The following ANKRD31 variants were observed in gnomAD, a reference collection of about 807,000 sequenced individuals.
The protein encoded by ANKRD31 is ankyrin repeat domain-containing protein 31.
In ANKRD31, 147 loss-of-function variants were observed where a neutral mutation model predicts 186.0. That is an observed-to-expected ratio of 0.79 (90% confidence interval 0.69 to 0.91). The LOEUF is 0.91. Ranked by LOEUF, ANKRD31 falls within the 40% of genes least tolerant of loss-of-function variation. The pLI, the probability that ANKRD31 is intolerant of heterozygous loss-of-function variation, is 0.00. For synonymous variants in ANKRD31, 673 were observed against 736.4 expected (o/e 0.91, Z 1.39); for missense variants, 1,986 against 2,148.8 (o/e 0.92, Z 1.50).
At chr5:75,101,749 G>A (rs543930590) in intron 22 of ANKRD31, among the ~76,000 whole-genome samples, 3 of 152,260 alleles carry the variant, frequency 2.0e-5, no homozygotes, top group African/African-American at 7.2e-5. Flanking sequence ...GCGTCACGTA[G>A]TTCTCGTGCC....
chr5:75,158,500 C>T (rs942603805), intron 11 of ANKRD31, among the ~76,000 whole-genome samples: 5 of 152,066 alleles, frequency 3.3e-5, no homozygotes, highest in Admixed American at 6.6e-5. Flanking sequence ...CAGTTTTGGC[C>T]GGATGTAGTG....
intron 25 of ANKRD31, among the ~76,000 whole-genome samples, chr5:75,072,204 G>T (rs570051428): frequency 2.6e-5 from 4 of 152,214 alleles, no homozygotes; most frequent in African/African-American, 7.2e-5. Flanking sequence ...ACAATCATAG[G>T]CAATGTGTCA....
At chr5:75,104,110 G>T (rs1747133006) in intron 22 of ANKRD31, 118 bp downstream of exon 22, 7 of 818,272 alleles carry the variant, frequency 8.6e-6, no homozygotes, top group Non-Finnish European at 1.3e-5. Context: ...CTCCATTCAG[G>T]AAGCTCAGCA....
intron 22 of ANKRD31, among the ~76,000 whole-genome samples, chr5:75,095,085 A>G (rs1746212396): frequency 6.6e-6 from 1 of 152,220 alleles, no homozygotes; most frequent in Non-Finnish European, 1.5e-5. Context: ...CAACAGTAAA[A>G]TACTTCAATA....
intron 23 of ANKRD31, among the ~76,000 whole-genome samples, chr5:75,088,244 G>C (rs942355934): frequency 6.6e-6 from 1 of 152,124 alleles, no homozygotes; most frequent in African/African-American, 2.4e-5. Context: ...GTATGTGTGG[G>C]GGGTGAGGGG....
intron 11 of ANKRD31, among the ~76,000 whole-genome samples, chr5:75,168,145 T>A (rs1753054131): frequency 6.6e-6 from 1 of 152,194 alleles, no homozygotes; most frequent in Non-Finnish European, 1.5e-5. Context: ...TCTGAAGTAC[T>A]GTTTCATACT....
intron 10 of ANKRD31, among the ~76,000 whole-genome samples, chr5:75,175,953 G>C (rs1753763005): frequency 6.6e-6 from 1 of 152,132 alleles, no homozygotes; most frequent in African/African-American, 2.4e-5. Context: ...CACCCGGGAA[G>C]CGCAAGGGGT....
intron 2 of ANKRD31, chr5:75,225,810 C>T (rs1342795884): frequency 1.3e-5 from 2 of 158,348 alleles, no homozygotes; most frequent in Admixed American, 6.5e-5. Context: ...CTTTGTCTTA[C>T]ACCTTAGGTG....
intron 11 of ANKRD31, among the ~76,000 whole-genome samples, chr5:75,164,522 T>G (rs962609286): frequency 6.6e-6 from 1 of 152,184 alleles, no homozygotes; most frequent in African/African-American, 2.4e-5. Flanking sequence ...GCGTCAGAAT[T>G]CCAAGTATTG....
intron 9 of ANKRD31, among the ~76,000 whole-genome samples, chr5:75,189,093 A>G (rs373970455): frequency 6.6e-6 from 1 of 152,210 alleles, no homozygotes; most frequent in Non-Finnish European, 1.5e-5. Context: ...GGCATATAAG[A>G]TACAAAAACT....
At chr5:75,206,216 CAAAAAAAAAAAAAA>C (rs1191388849) in intron 5 of ANKRD31, among the ~76,000 whole-genome samples, 181 bp downstream of exon 5, 231 of 14,804 alleles carry the variant, frequency 0.016, 2 homozygotes, top group African/African-American at 0.03. Flanking sequence ...ACATCTCTAC[CAAAAAAAAAAAAAA>C]AAAAAAAAAA....
In ANKRD31 at chr5:75,235,556, G is replaced by A. The variant is rs113484925; in HGVS notation, c.104+1027C>T. Among the ~76,000 whole-genome samples, 479 of 152,116 alleles carry A rather than the reference G, an allele frequency of 3.1e-3. 2 individuals are homozygous for A. The highest frequency in any genetic ancestry group is 0.01 in the African/African-American group (427 of 41,500). ...CAGACAGTAAACCTATTTTTATCCAGAAGACCAAGGAAAATGACCCCTGCA... is the reference window on the plus strand; with the variant it reads ...CAGACAGTAAACCTATTTTTATCCAAAAGACCAAGGAAAATGACCCCTGCA... On this transcript the variant is annotated intron_variant, in intron 1 of 25. Transcript: ENST00000506364.
rs554935874 is a variant in ANKRD31, at chr5:75,111,986, C to A, written c.4243+527G>T. On this transcript the variant is annotated intron_variant, in intron 20 of 25. Transcript: ENST00000506364. ...GACAACACACAGGGTAACATAATCT[C>A]ATCTCTTGTCACAATCTTACATTTT... 7.2e-5 allele frequency among the ~76,000 whole-genome samples: 11 copies of A among 152,188 alleles called. 1 individual carries two copies. The South Asian group carries it at 2.3e-3, about 32-fold the overall frequency.
At chr5:75,213,687 TAG>T (rs1561542183) in intron 3 of ANKRD31, among the ~76,000 whole-genome samples, 2 of 152,198 alleles carry the variant, frequency 1.3e-5, no homozygotes, top group Non-Finnish European at 2.9e-5. Context: ...CATTAAACCG[TAG>T]AGTTTTCTTG....
chr5:75,196,831 T>A (rs1348458077), intron 6 of ANKRD31, among the ~76,000 whole-genome samples: 1 of 152,228 alleles, frequency 6.6e-6, no homozygotes, highest in Non-Finnish European at 1.5e-5. Context: ...TAAATGACTA[T>A]TATTTCTCTA....
Position 75,068,667 on chromosome 5 carries a change from GT to G in ANKRD31, c.5648-4del, listed in dbSNP as rs1387811433. The G allele has an allele frequency of 1.4e-6, 2 of 1,473,032 alleles. No individual in the cohort carries two copies. The highest frequency in any genetic ancestry group is 1.8e-6 in the Non-Finnish European group (2 of 1,118,864). 91.2% of individuals were successfully genotyped at this position (1,473,032 alleles called of 1,614,324 possible). On this transcript the variant is annotated splice_polypyrimidine_tract_variant and splice_region_variant and intron_variant, in intron 25 of 25. Coordinates refer to ENST00000506364, the MANE Select transcript of ANKRD31 (RefSeq NM_001372053.1). ...TTGCATTGACTCTCTGGAAGTTCCT[GT>G]TTAAAGAAGTATCAACAAATTAAAA...
chr5:75,154,116 T>G, intron 12 of ANKRD31, 85 bp downstream of exon 12: 1 of 1,248,090 alleles, frequency 8.0e-7, no homozygotes, highest in Non-Finnish European at 1.0e-6. Context: ...ATGAGAAAAA[T>G]AAATTTAATT....
intron 7 of ANKRD31, among the ~76,000 whole-genome samples, chr5:75,194,452 C>G (rs1429095666): frequency 6.6e-6 from 1 of 152,024 alleles, no homozygotes; most frequent in Non-Finnish European, 1.5e-5. Context: ...TTTAAAAAAT[C>G]CTATGTCAGT....
rs781081919 is a variant in ANKRD31, at chr5:75,195,858, T to C, written c.790A>G (p.Ile264Val). 1.5e-5 allele frequency: 23 copies of C among 1,535,872 alleles called. No homozygotes were observed. In the African/African-American group the frequency reaches 2.5e-4, roughly 17 times the overall value. The change falls in exon 7 of 26, where the codon ATA becomes GTA. Residue 264 changes from isoleucine (I) to valine (V), a missense_variant. Transcript: ENST00000506364. ...CATGCCGACCAGGAATTCAAAGGTATTGATATGGAACTAAGAGAGTCACTC... is the reference window on the plus strand; with the variant it reads ...CATGCCGACCAGGAATTCAAAGGTACTGATATGGAACTAAGAGAGTCACTC... ...PLSDSLSSIS[I>V]PLNSWSACHR...
Sources: allele counts gnomAD v4.1 joint callset (sites outside exome capture counted in the v4.1 genomes callset), GRCh38; gene constraint gnomAD v4.1.1; transcripts MANE v1.5; gene names NCBI Gene and HGNC (gene_info 2026-07-23, HGNC 2026-07-21).